The following KCNT2 variants were observed in gnomAD, a reference collection of about 807,000 sequenced individuals.
The protein encoded by KCNT2 is potassium sodium-activated channel subfamily T member 2, also known as potassium channel subfamily T member 2.
In KCNT2, 67 loss-of-function variants were observed where a neutral mutation model predicts 153.8. The observed-to-expected ratio is 0.44, with a 90% confidence interval of 0.36 to 0.53. KCNT2 has a LOEUF of 0.53. Among genes scored for constraint, KCNT2 ranks in the 20% least tolerant of loss-of-function variants. The pLI is 0.00. For synonymous variants in KCNT2, 500 were observed against 458.8 expected, an observed-to-expected ratio of 1.09 and a Z score of -1.15; for missense variants, 975 against 1,354.8, an observed-to-expected ratio of 0.72 and a Z score of 4.40.
chr1:196,250,540 G>A (rs1206773088), intron 26 of KCNT2, among the ~76,000 whole-genome samples: 1 of 152,064 alleles, frequency 6.6e-6, no homozygotes, highest in Non-Finnish European at 1.5e-5. Context: ...AAAACATTGG[G>A]AAAACTCTTC....
intron 8 of KCNT2, among the ~76,000 whole-genome samples, chr1:196,433,958 T>A (rs139387911): frequency 6.6e-6 from 1 of 152,164 alleles, no homozygotes; most frequent in Non-Finnish European, 1.5e-5. Flanking sequence ...TGTGTTTATT[T>A]GCTTTTTTCC....
At chr1:196,585,600 T>TA (rs60513367) in intron 1 of KCNT2, among the ~76,000 whole-genome samples, 15 of 151,158 alleles carry the variant, frequency 9.9e-5, no homozygotes, top group East Asian at 1.9e-4. Context: ...GCTAACTAAT[T>TA]AAAAAAAAAC....
intron 9 of KCNT2, 85 bp from the exon 10 acceptor site, chr1:196,428,354 T>C (rs2148538350): frequency 1.0e-6 from 1 of 954,000 alleles, no homozygotes; most frequent in Non-Finnish European, 1.6e-6. Flanking sequence ...TTATTAGGTA[T>C]TTTCAATTTC....
intron 22 of KCNT2, among the ~76,000 whole-genome samples, chr1:196,295,206 A>C (rs1334180537): frequency 6.6e-6 from 1 of 151,762 alleles, no homozygotes; most frequent in Non-Finnish European, 1.5e-5. Context: ...TTGTCAATTA[A>C]AAATAAAAAT....
At chr1:196,243,447 GT>G (rs1655139446) in intron 26 of KCNT2, among the ~76,000 whole-genome samples, 1 of 152,182 alleles carries the variant, frequency 6.6e-6, no homozygotes, top group Non-Finnish European at 1.5e-5. Context: ...ACTAAGGAGA[GT>G]AGGAAAGACC....
chr1:196,322,435 G>A (rs986320509), intron 19 of KCNT2, among the ~76,000 whole-genome samples: 1 of 151,526 alleles, frequency 6.6e-6, no homozygotes, highest in African/African-American at 2.4e-5. Flanking sequence ...GAAACTAACC[G>A]GTAATAAACA....
chr1:196,250,039 G>A (rs566084832), intron 26 of KCNT2, among the ~76,000 whole-genome samples: 3 of 151,946 alleles, frequency 2.0e-5, no homozygotes, highest in Admixed American at 1.3e-4. Context: ...ACAATCTACA[G>A]ATTCAATGTA....
intron 13 of KCNT2, among the ~76,000 whole-genome samples, chr1:196,385,775 AT>A (rs1354840131): frequency 7.0e-5 from 10 of 142,708 alleles, no homozygotes; most frequent in East Asian, 2.1e-4. Flanking sequence ...TTAAAAAAAT[AT>A]ATATATATAT....
chr1:196,338,082 A>G (rs1665215814), intron 16 of KCNT2, among the ~76,000 whole-genome samples: 1 of 152,144 alleles, frequency 6.6e-6, no homozygotes, highest in Non-Finnish European at 1.5e-5. Context: ...ACTGTAGAAT[A>G]AAAATAAGTA....
intron 21 of KCNT2, among the ~76,000 whole-genome samples, chr1:196,305,581 C>T (rs938889050): frequency 4.6e-5 from 7 of 151,966 alleles, no homozygotes; most frequent in African/African-American, 2.4e-5. Context: ...AGTAATTTGG[C>T]TTTTTTTAGA....
intron 14 of KCNT2, among the ~76,000 whole-genome samples, chr1:196,361,394 A>C (rs929460739): frequency 6.6e-6 from 1 of 152,096 alleles, no homozygotes; most frequent in African/African-American, 2.4e-5. Context: ...AGACAGCCAG[A>C]GATGACTGAG....
intron 13 of KCNT2, among the ~76,000 whole-genome samples, chr1:196,381,792 A>T (rs952291107): frequency 6.6e-6 from 1 of 152,140 alleles, no homozygotes. Flanking sequence ...AGCTCCCCGA[A>T]CACCTGTCGT....
chr1:196,526,837 CT>C (rs1468318609), intron 1 of KCNT2, among the ~76,000 whole-genome samples: 1 of 152,046 alleles, frequency 6.6e-6, no homozygotes, highest in East Asian at 1.9e-4. Context: ...GTGTCTAGCA[CT>C]TTTTTGCATA....
In KCNT2 at chr1:196,245,373, C is replaced by A. The variant is rs530330191; in HGVS notation, c.3212-9303G>T. 6.5e-4 allele frequency among the ~76,000 whole-genome samples: 99 copies of A among 152,190 alleles called. 1 individual carries two copies. The highest frequency in any genetic ancestry group is 2.0e-3 in the African/African-American group (84 of 41,550). ...AAAAATAACAAAGCCTAAGTCTGAA[C>A]ACCTGAAAAGCCTTTCAAGAAAGAT... On this transcript the variant is annotated intron_variant, in intron 26 of 27. Transcript: ENST00000294725.
intron 26 of KCNT2, among the ~76,000 whole-genome samples, chr1:196,247,897 G>T (rs1468373191): frequency 6.6e-6 from 1 of 152,028 alleles, no homozygotes; most frequent in Admixed American, 6.6e-5. Context: ...CCATATGTTA[G>T]GCCACAAAAC....
At chr1:196,491,347 T>A (rs1483636772) in intron 2 of KCNT2, among the ~76,000 whole-genome samples, 1 of 152,020 alleles carries the variant, frequency 6.6e-6, no homozygotes, top group African/African-American at 2.4e-5. Flanking sequence ...GCAGTATGAC[T>A]TAAATATTGA....
intron 26 of KCNT2, among the ~76,000 whole-genome samples, chr1:196,249,747 C>G (rs1655784924): frequency 6.6e-6 from 1 of 151,702 alleles, no homozygotes; most frequent in Non-Finnish European, 1.5e-5. Context: ...TGCACTCCAG[C>G]CTGGATGACA....
At chr1:196,445,273 A>T (rs1210871644) in intron 8 of KCNT2, among the ~76,000 whole-genome samples, 1 of 151,422 alleles carries the variant, frequency 6.6e-6, no homozygotes, top group Non-Finnish European at 1.5e-5. Context: ...ATGAAATAGG[A>T]CCAAATAAAT....
intron 13 of KCNT2, among the ~76,000 whole-genome samples, chr1:196,393,188 C>A (rs924862550): frequency 1.3e-5 from 2 of 151,334 alleles, no homozygotes; most frequent in African/African-American, 4.8e-5. Flanking sequence ...GTTTTTACAT[C>A]CTTTACTCCT....
Sources: gnomAD v4.1 joint callset for allele counts (sites outside exome capture counted in the v4.1 genomes callset) on GRCh38, gnomAD v4.1.1 for gene constraint, MANE v1.5 for transcripts, NCBI Gene and HGNC (gene_info 2026-07-23, HGNC 2026-07-21) for gene names.